Variants in PIP4K2A observed in about 807,000 individuals in gnomAD.
PIP4K2A encodes the protein phosphatidylinositol-5-phosphate 4-kinase type 2 alpha.
PIP4K2A carries 14 observed loss-of-function variants against 42.9 expected under a neutral mutation model. The observed-to-expected ratio is 0.33, with a 90% CI of 0.22 to 0.51. The LOEUF (loss-of-function observed/expected upper bound fraction) is 0.51. Among genes scored for constraint, PIP4K2A ranks in the 20% least tolerant of loss-of-function variants. The pLI, the probability that PIP4K2A is intolerant of heterozygous loss-of-function variation, is 0.97. For synonymous variants in PIP4K2A, 192 were observed against 192.2 expected (o/e 1.00, Z 0.01); for missense variants, 434 against 519.8 (o/e 0.83, Z 1.61).
At position 22,573,308 on chromosome 10, in the gene PIP4K2A, C is replaced by A; in HGVS notation, c.639+3G>T. On this transcript the variant is annotated splice_donor_region_variant and intron_variant, in intron 5 of 9. Transcript: ENST00000376573. ...TTACAAAAATTCATAAAATCAGTCTCACCTTTAAGTCGTATTTCCTATACA... is the reference window on the plus strand; with the variant it reads ...TTACAAAAATTCATAAAATCAGTCTAACCTTTAAGTCGTATTTCCTATACA... 1.2e-6 allele frequency: 2 copies of A among 1,611,356 alleles called. No homozygotes were observed. Among genetic ancestry groups the A allele is most frequent in the Non-Finnish European group, 1.7e-6 (2 of 1,178,522 alleles).
At chr10:22,615,636 C>T (rs1190570642) in intron 1 of PIP4K2A, among the ~76,000 whole-genome samples, 1 of 152,138 alleles carries the variant, frequency 6.6e-6, no homozygotes, top group Non-Finnish European at 1.5e-5. Flanking sequence ...TTAAAATTTT[C>T]TTAGGTTAGC....
rs530658404 is a variant in PIP4K2A at position 22,596,030 on chromosome 10, G to C, written c.340-4249C>G. On this transcript the variant is annotated intron_variant, in intron 3 of 9. Transcript: ENST00000376573. ...AGACTAGCCTGACCAACATGGAGAA[G>C]CCCCGTCTCTACTAAAAATACAAAA... is the stretch of plus-strand genomic sequence containing the variant. Among the ~76,000 whole-genome samples the C allele has an allele frequency of 5.3e-5, 8 of 151,378 alleles. No individual in the cohort carries two copies. The South Asian group carries it at 1.7e-3, about 32-fold the overall frequency.
intron 1 of PIP4K2A, among the ~76,000 whole-genome samples, chr10:22,651,461 C>T (rs113982256): frequency 3.3e-5 from 5 of 152,298 alleles, no homozygotes; most frequent in Middle Eastern, 3.4e-3. Flanking sequence ...GTTCTCCCAG[C>T]GAGCCTGGGG....
chr10:22,711,744 A>C (rs948135083), intron 1 of PIP4K2A, among the ~76,000 whole-genome samples: 6 of 152,242 alleles, frequency 3.9e-5, no homozygotes, highest in African/African-American at 1.4e-4. Context: ...TTATACTATA[A>C]ACTTTGGTGC....
intron 4 of PIP4K2A, among the ~76,000 whole-genome samples, chr10:22,589,149 G>A (rs975410292): frequency 1.3e-5 from 2 of 152,210 alleles, no homozygotes; most frequent in African/African-American, 4.8e-5. Context: ...TGGTATCATG[G>A]CCATTTTTTA....
intron 1 of PIP4K2A, among the ~76,000 whole-genome samples, chr10:22,675,160 G>T (rs1412269133): frequency 6.6e-6 from 1 of 152,164 alleles, no homozygotes; most frequent in African/African-American, 2.4e-5. Context: ...ATGTTGATTG[G>T]TACATTGACT....
At chr10:22,583,303 A>G (rs1837319718) in intron 4 of PIP4K2A, among the ~76,000 whole-genome samples, 1 of 152,214 alleles carries the variant, frequency 6.6e-6, no homozygotes, top group South Asian at 2.1e-4. Context: ...CATCCCAGAT[A>G]GAAAGCTTAG....
chr10:22,678,467 C>T (rs1296509901), intron 1 of PIP4K2A, among the ~76,000 whole-genome samples: 2 of 151,788 alleles, frequency 1.3e-5, no homozygotes, highest in African/African-American at 4.8e-5. Context: ...TTTCCTTTGT[C>T]GTTCTATGGG....
chr10:22,673,763 A>T (rs1230852206), intron 1 of PIP4K2A, among the ~76,000 whole-genome samples: 1 of 152,220 alleles, frequency 6.6e-6, no homozygotes, highest in Non-Finnish European at 1.5e-5. Context: ...TAACAAAATG[A>T]CTGACAGTCC....
intron 3 of PIP4K2A, among the ~76,000 whole-genome samples, chr10:22,606,321 A>G (rs570794223): frequency 5.6e-4 from 86 of 152,264 alleles, no homozygotes; most frequent in Middle Eastern, 3.4e-3. Context: ...AAGAAAAAAA[A>G]AGAAACGCCC....
rs547316498 is a variant in PIP4K2A at position 22,577,126 on chromosome 10, C to T, written c.493-3669G>A. On this transcript the variant is annotated intron_variant, in intron 4 of 9. Coordinates refer to ENST00000376573, the MANE Select transcript of PIP4K2A (RefSeq NM_005028.5). The stretch of plus-strand genomic sequence containing the variant: ...TATTCATAGATTCACTTAAAAAATA[C>T]GTATTGAGCATCCATCATATGCCTG... 6.0e-5 allele frequency among the ~76,000 whole-genome samples: 9 copies of T among 149,058 alleles called. No individual in the cohort carries two copies. The East Asian group carries it at 1.2e-3, about 20-fold the overall frequency.
At chr10:22,559,031 T>C (rs1002174480) in intron 6 of PIP4K2A, among the ~76,000 whole-genome samples, 7 of 152,190 alleles carry the variant, frequency 4.6e-5, no homozygotes, top group African/African-American at 9.7e-5. Context: ...CTGAACTGCA[T>C]ACAAGACCTA....
intron 1 of PIP4K2A, among the ~76,000 whole-genome samples, chr10:22,627,591 T>TTAAAAAAAAAAAAAAA (rs1838469308): frequency 1.8e-5 from 1 of 56,994 alleles, no homozygotes; most frequent in Non-Finnish European, 3.1e-5. Flanking sequence ...TAATATGTAA[T>TTAAAAAAAAAAAAAAA]AAAAAAAAAA....
At chr10:22,550,073 T>C (rs1836365689) in intron 7 of PIP4K2A, among the ~76,000 whole-genome samples, 1 of 152,128 alleles carries the variant, frequency 6.6e-6, no homozygotes, top group Non-Finnish European at 1.5e-5. Context: ...CACTGTTCTA[T>C]GTCTCTCCAC....
At chr10:22,629,651 C>G (rs184973684) in intron 1 of PIP4K2A, among the ~76,000 whole-genome samples, 6 of 152,270 alleles carry the variant, frequency 3.9e-5, no homozygotes, top group Non-Finnish European at 8.8e-5. Context: ...CCCATCAGAA[C>G]TTTAGGAAAT....
intron 1 of PIP4K2A, among the ~76,000 whole-genome samples, chr10:22,630,175 A>AAC (rs1838520776): frequency 2.5e-5 from 3 of 122,074 alleles, no homozygotes; most frequent in Non-Finnish European, 5.2e-5. Context: ...TCATGACTAC[A>AAC]AAAAAAAAAA....
intron 1 of PIP4K2A, among the ~76,000 whole-genome samples, chr10:22,631,368 T>C (rs1778326): frequency 0.081 from 12,389 of 152,074 alleles, 889 homozygotes; most frequent in African/African-American, 0.19. Context: ...AATGTCCTTT[T>C]AAGTACAGAC....
At chr10:22,665,965 T>C (rs1260136988) in intron 1 of PIP4K2A, among the ~76,000 whole-genome samples, 1 of 152,070 alleles carries the variant, frequency 6.6e-6, no homozygotes, top group East Asian at 1.9e-4. Context: ...TTAATTTTGA[T>C]TACTATTTTC....
intron 1 of PIP4K2A, among the ~76,000 whole-genome samples, chr10:22,678,476 G>A (rs1481220635): frequency 6.6e-6 from 1 of 151,618 alleles, no homozygotes; most frequent in Non-Finnish European, 1.5e-5. Flanking sequence ...TCGTTCTATG[G>A]GGAAAAGTCT....
Sources: gnomAD v4.1 joint callset for allele counts (sites outside exome capture counted in the v4.1 genomes callset) on GRCh38, gnomAD v4.1.1 for gene constraint, MANE v1.5 for transcripts, NCBI Gene and HGNC (gene_info 2026-07-23, HGNC 2026-07-21) for gene names.